The following CACNA1A variants were observed in gnomAD, a reference collection of about 807,000 sequenced individuals.
The protein encoded by CACNA1A is calcium voltage-gated channel subunit alpha1 A.
Under a neutral mutation model 262.4 loss-of-function variants are expected in CACNA1A, and 57 were observed. That is an observed-to-expected ratio of 0.22 (90% CI 0.18 to 0.27). The LOEUF (loss-of-function observed/expected upper bound fraction) is 0.27, where lower values mean the gene tolerates loss of function less well. Among genes scored for constraint, CACNA1A ranks in the 10% least tolerant of loss-of-function variants. CACNA1A has a pLI of 1.00. For missense variants in CACNA1A, 2,526 were observed against 3,562.8 expected (o/e 0.71, Z 7.41); for synonymous variants, 1,431 against 1,419.3 (o/e 1.01, Z -0.18).
At chr19:13,388,139 A>T (rs1486271502) in intron 3 of CACNA1A, among the ~76,000 whole-genome samples, 3 of 146,336 alleles carry the variant, frequency 2.1e-5, no homozygotes, top group African/African-American at 7.5e-5. Context: ...CTTCCCATAC[A>T]GTCTATATTC....
intron 3 of CACNA1A, among the ~76,000 whole-genome samples, chr19:13,414,090 G>T (rs1042162950): frequency 6.6e-6 from 1 of 151,914 alleles, no homozygotes; most frequent in Non-Finnish European, 1.5e-5. Context: ...CAGGTGTGTT[G>T]GTGCCCGTCT....
chr19:13,300,565 T>C lies in CACNA1A; in HGVS notation c.2264A>G (p.Asn755Ser). The C allele has an allele frequency of 1.2e-6, 2 of 1,613,104 alleles. No homozygotes were observed. Among genetic ancestry groups the C allele is most frequent in the South Asian group, 1.1e-5 (1 of 91,066 alleles). ...VAEVSPLSAANMSIAVKEQQK... is the reference protein window; with the variant it reads ...VAEVSPLSAASMSIAVKEQQK... The stretch of plus-strand genomic sequence containing the variant: ...GGGCACTTACACAGCTATAGACATG[T>C]TGGCCGCGGACAGAGGACTCACTTC... Residue 755 changes from asparagine (N) to serine (S), a missense_variant, in exon 18 of 47, where the codon AAC becomes AGC. Physicochemically the swap from Asn to Ser is conservative, Grantham distance 46. This residue lies in a region of CACNA1A where 765 missense variants were observed against 748.6 expected (regional missense o/e 1.02). Transcript: ENST00000360228.
chr19:13,277,681 A>G (rs975907933), intron 22 of CACNA1A: 1 of 155,538 alleles, frequency 6.4e-6, no homozygotes, highest in African/African-American at 2.4e-5. Flanking sequence ...TGCCTGGACG[A>G]GCAATGTCCT....
chr19:13,219,495 C>T (rs776492227), intron 38 of CACNA1A, among the ~76,000 whole-genome samples: 7 of 152,284 alleles, frequency 4.6e-5, no homozygotes, highest in Non-Finnish European at 8.8e-5. Context: ...AGCTGAGTTA[C>T]GATGGCATTA....
intron 1 of CACNA1A, among the ~76,000 whole-genome samples, chr19:13,469,460 C>T (rs112003073): frequency 0.053 from 3,291 of 62,206 alleles, 109 homozygotes; most frequent in East Asian, 0.15. Context: ...TGAACCACCT[C>T]TTTTTTTTTT....
chr19:13,207,367 G>A lies in CACNA1A; in HGVS notation c.7467C>T (p.Gly2489=). ...AHGLARPRGP[G]SRKGLHEPYS... is the part of the protein sequence containing the mutation. ...AGGGTTCGTGCAGGCCCTTCCTGGA[G>A]CCCGGCCCGCGGGGCCTGGCCAGTC... The change falls in exon 47 of 47, where the codon GGC becomes GGT. Residue 2489 remains glycine, a synonymous_variant. Transcript: ENST00000360228. The surrounding 1 kb of genome is among the most constrained non-coding windows in gnomAD (Gnocchi z 5.7). 3 of 1,551,800 alleles carry A rather than the reference G, an allele frequency of 1.9e-6. No individual in the cohort carries two copies. The highest frequency in any genetic ancestry group is 1.4e-5 in the African/African-American group (1 of 73,358).
intron 2 of CACNA1A, among the ~76,000 whole-genome samples, chr19:13,453,423 T>C (rs866496660): frequency 9.9e-5 from 15 of 152,210 alleles, no homozygotes; most frequent in Admixed American, 3.9e-4. Flanking sequence ...ACAGGGCAGA[T>C]GGAGATCATT....
chr19:13,359,912 C>A (rs969756207), intron 5 of CACNA1A, 113 bp from the exon 6 acceptor site: 4 of 638,220 alleles, frequency 6.3e-6, no homozygotes, highest in South Asian at 2.7e-5. Context: ...TTGGGACAAA[C>A]GTGATCAGTC....
intron 10 of CACNA1A, among the ~76,000 whole-genome samples, chr19:13,318,890 C>CTTTTTTTTTTTTTTTTTTTTTT (rs751530649): frequency 0.01 from 1,192 of 114,442 alleles, 90 homozygotes; most frequent in African/African-American, 0.014. Context: ...TAAAATACAT[C>CTTTTTTTTTTTTTTTTTTTTTT]TTTTTTTTTT....
chr19:13,351,902 C>G (rs1043578411), intron 6 of CACNA1A, among the ~76,000 whole-genome samples: 1 of 152,188 alleles, frequency 6.6e-6, no homozygotes, highest in African/African-American at 2.4e-5. Context: ...ACCTCAGCTT[C>G]CTAAGTAGCT....
intron 5 of CACNA1A, chr19:13,362,830 T>G (rs1161938849): frequency 6.6e-6 from 1 of 152,172 alleles, no homozygotes; most frequent in Non-Finnish European, 1.5e-5. Flanking sequence ...ATTGGCACGG[T>G]GCTGGGCACA....
rs1344525691 is a variant in CACNA1A, at chr19:13,402,546, TA to T, written c.540-30768del. On this transcript the variant is annotated intron_variant, in intron 3 of 46. Transcript: ENST00000360228. ...CCAATAACTTATGGAAAAATAAAATTAAAAAAAAGAAAAAAGAAAATTAAGC... is the reference window on the plus strand; with the variant it reads ...CCAATAACTTATGGAAAAATAAAATTAAAAAAAGAAAAAAGAAAATTAAGC... 2.0e-5 allele frequency among the ~76,000 whole-genome samples: 3 copies of T among 147,036 alleles called. No homozygotes were observed. In the South Asian group the frequency reaches 6.5e-4, roughly 32 times the overall value.
chr19:13,377,480 A>T (rs1209112715), intron 3 of CACNA1A, among the ~76,000 whole-genome samples: 1 of 151,096 alleles, frequency 6.6e-6, no homozygotes, highest in African/African-American at 2.4e-5. Context: ...CTCCTGCCTC[A>T]GCCTCCCAAG....
chr19:13,296,035 G>A (rs147678403), intron 19 of CACNA1A, among the ~76,000 whole-genome samples: 72 of 152,226 alleles, frequency 4.7e-4, no homozygotes, highest in African/African-American at 1.7e-3. Context: ...GCCATCATTT[G>A]TGCCTGTCAC....
chr19:13,459,644 C>G (rs556867128), intron 1 of CACNA1A, among the ~76,000 whole-genome samples: 6 of 152,318 alleles, frequency 3.9e-5, no homozygotes, highest in Non-Finnish European at 8.8e-5. Flanking sequence ...AGAGCAGCAA[C>G]GCCAAGCCCT....
chr19:13,209,956 C>T (rs1479624901), intron 44 of CACNA1A, among the ~76,000 whole-genome samples: 1 of 152,150 alleles, frequency 6.6e-6, no homozygotes, highest in Non-Finnish European at 1.5e-5. Context: ...GCTGGCTGAC[C>T]TATGGGCTCA....
At chr19:13,360,265 G>GTGTGTATATATATATATATATA in intron 5 of CACNA1A, among the ~76,000 whole-genome samples, 1 of 124,226 alleles carries the variant, frequency 8.0e-6, no homozygotes, top group Admixed American at 8.5e-5. Context: ...GTGTGTGTGT[G>GTGTGTATATATATATATATATA]TATATATATA....
At chr19:13,318,441 G>A (rs1328613050) in intron 10 of CACNA1A, among the ~76,000 whole-genome samples, 2 of 152,120 alleles carry the variant, frequency 1.3e-5, no homozygotes, top group Admixed American at 6.5e-5. Flanking sequence ...GGAGGACTTT[G>A]GCTTTTACCC....
chr19:13,410,579 TC>T (rs2060093248), intron 3 of CACNA1A, among the ~76,000 whole-genome samples: 1 of 145,662 alleles, frequency 6.9e-6, no homozygotes, highest in Admixed American at 7.0e-5. Flanking sequence ...ACCTCTGAAA[TC>T]CACTTCCCCC....
Sources: gnomAD v4.1 joint callset for allele counts (sites outside exome capture counted in the v4.1 genomes callset) on GRCh38, gnomAD v4.1.1 for gene constraint, gnomAD v4.1.1 regional missense constraint, Gnocchi (gnomAD v3.1) non-coding constraint, MANE v1.5 for transcripts, NCBI Gene and HGNC (gene_info 2026-07-23, HGNC 2026-07-21) for gene names.